Variants in PRKG1 observed in about 807,000 individuals in gnomAD.
PRKG1 encodes protein kinase cGMP-dependent 1.
PRKG1 carries 35 observed loss-of-function variants against 88.1 expected under a neutral mutation model. The ratio of observed to expected loss-of-function variants is 0.40; its 90% CI spans 0.30 to 0.53. PRKG1 has a LOEUF of 0.53. PRKG1 is among the 20% of genes least tolerant of loss of function. The probability of loss-of-function intolerance (pLI) is 0.59; values close to 1 mark genes in which losing one functional copy is unlikely to be tolerated. For missense variants in PRKG1, 540 were observed against 839.8 expected (o/e 0.64, Z 4.41); for synonymous variants, 303 against 292.5 (o/e 1.04, Z -0.37).
intron 3 of PRKG1, among the ~76,000 whole-genome samples, chr10:51,782,268 C>T (rs1412479870): frequency 2.0e-5 from 3 of 152,054 alleles, no homozygotes; most frequent in African/African-American, 4.8e-5. Flanking sequence ...GCGTTTTTGA[C>T]TTACAATATT....
At chr10:51,812,669 TG>T (rs1839487010) in intron 4 of PRKG1, among the ~76,000 whole-genome samples, 1 of 152,200 alleles carries the variant, frequency 6.6e-6, no homozygotes, top group Non-Finnish European at 1.5e-5. Context: ...CACTGATCGC[TG>T]GATAAAATCC....
At chr10:51,367,112 A>G (rs2132599536) in intron 2 of PRKG1, among the ~76,000 whole-genome samples, 1 of 152,074 alleles carries the variant, frequency 6.6e-6, no homozygotes, top group Non-Finnish European at 1.5e-5. Flanking sequence ...GAGCAGTTTC[A>G]TTTAGAAACT....
At chr10:51,481,508 C>A (rs1840358592) in intron 3 of PRKG1, among the ~76,000 whole-genome samples, 1 of 152,146 alleles carries the variant, frequency 6.6e-6, no homozygotes, top group African/African-American at 2.4e-5. Flanking sequence ...CCTGGCCTCC[C>A]AAAGTGCTAG....
At chr10:51,307,044 G>A (rs1419274732) in intron 2 of PRKG1, among the ~76,000 whole-genome samples, 2 of 152,082 alleles carry the variant, frequency 1.3e-5, no homozygotes, top group African/African-American at 4.8e-5. Context: ...CTGAGTATCA[G>A]TTGCCCCCTT....
At chr10:51,202,961 A>G (rs1046935942) in intron 2 of PRKG1, among the ~76,000 whole-genome samples, 6 of 152,222 alleles carry the variant, frequency 3.9e-5, no homozygotes, top group Non-Finnish European at 8.8e-5. Flanking sequence ...GTGGCAGAAA[A>G]TGAGAGTTGG....
intron 2 of PRKG1, among the ~76,000 whole-genome samples, chr10:51,410,945 A>G (rs1443582097): frequency 6.6e-6 from 1 of 151,836 alleles, no homozygotes; most frequent in African/African-American, 2.4e-5. Flanking sequence ...GATGTACACA[A>G]ATTTTCTTAG....
At chr10:51,597,990 C>T (rs1838499352) in intron 3 of PRKG1, among the ~76,000 whole-genome samples, 2 of 152,188 alleles carry the variant, frequency 1.3e-5, no homozygotes, top group Non-Finnish European at 2.9e-5. Context: ...TCCCTAAAAC[C>T]TTAATAGCCA....
chr10:51,662,983 T>C (rs1840336853), intron 3 of PRKG1, among the ~76,000 whole-genome samples: 1 of 152,116 alleles, frequency 6.6e-6, no homozygotes, highest in Non-Finnish European at 1.5e-5. Context: ...GTTCGGCTTT[T>C]AACCTATGGA....
intron 3 of PRKG1, among the ~76,000 whole-genome samples, chr10:51,728,453 GTTTTTTT>G (rs56975031): frequency 1.7e-5 from 1 of 58,806 alleles, no homozygotes; most frequent in Non-Finnish European, 3.6e-5. Context: ...TTTTTTCTTT[GTTTTTTT>G]TTTTTTTTTT....
rs537502010 is a variant in PRKG1, at chr10:51,943,574, G to A, written c.762+36004G>A. Among the ~76,000 whole-genome samples the A allele has an allele frequency of 1.0e-3, 156 of 152,126 alleles. 2 individuals are homozygous for A. In the South Asian group the frequency reaches 0.032, roughly 31 times the overall value. On this transcript the variant is annotated intron_variant, in intron 5 of 17. Transcript: ENST00000373980. ...CTTCCAGTTTTTGCCCATTCAGTAT[G>A]ATATTGGCTGTGAGTTTGTCATAGA... is the stretch of plus-strand genomic sequence containing the variant.
At chr10:51,759,765 C>CATGTGTGT (rs1181915723) in intron 3 of PRKG1, among the ~76,000 whole-genome samples, 3 of 151,582 alleles carry the variant, frequency 2.0e-5, no homozygotes, top group Non-Finnish European at 4.4e-5. Flanking sequence ...TTGGTGTGTG[C>CATGTGTGT]ATGTGTGTAT....
At chr10:51,638,845 G>A (rs1489912896) in intron 3 of PRKG1, among the ~76,000 whole-genome samples, 2 of 151,996 alleles carry the variant, frequency 1.3e-5, no homozygotes, top group African/African-American at 4.8e-5. Flanking sequence ...ACTAATTAAG[G>A]TTAAGAATAA....
At chr10:51,696,729 C>T (rs1272688499) in intron 3 of PRKG1, 3 of 151,968 alleles carry the variant, frequency 2.0e-5, no homozygotes, top group Admixed American at 2.0e-4. Flanking sequence ...AGCAAATGGA[C>T]ACCATCTGTA....
At position 52,062,549 on chromosome 10, in the gene PRKG1, C is replaced by T. The variant is rs1846261662; in HGVS notation, c.853C>T (p.Arg285Cys). 1.9e-6 allele frequency: 3 copies of T among 1,595,204 alleles called. No individual in the cohort carries two copies. The highest frequency in any genetic ancestry group is 1.7e-6 in the Non-Finnish European group (2 of 1,172,356). The change falls in exon 7 of 18, where the codon CGT becomes TGT. Residue 285 changes from arginine (R) to cysteine (C), a missense_variant. By Grantham distance (180) the Arg-to-Cys change is radical. Coordinates refer to ENST00000373980, the MANE Select transcript of PRKG1 (RefSeq NM_006258.4). ...TTTCTCTTTGCAGGTAAATGTCACTCGTGAAGACTCACCGAGTGAAGACCC... is the reference window on the plus strand; with the variant it reads ...TTTCTCTTTGCAGGTAAATGTCACTTGTGAAGACTCACCGAGTGAAGACCC... Reference protein sequence around the residue: ...IISKGTVNVTREDSPSEDPVF... With the variant: ...IISKGTVNVTCEDSPSEDPVF...
chr10:51,499,667 T>C (rs545716803), intron 3 of PRKG1, among the ~76,000 whole-genome samples: 2 of 152,284 alleles, frequency 1.3e-5, no homozygotes, highest in South Asian at 4.1e-4. Context: ...GAGCCAAGTG[T>C]GGTGGCTCAG....
At chr10:51,716,344 G>A (rs1243487206) in intron 3 of PRKG1, among the ~76,000 whole-genome samples, 3 of 152,134 alleles carry the variant, frequency 2.0e-5, no homozygotes, top group African/African-American at 7.2e-5. Context: ...TAGGCTTACA[G>A]TCAAACATAA....
Position 51,686,918 on chromosome 10 carries a change from G to C in PRKG1, c.593-117667G>C, listed in dbSNP as rs560741588. On this transcript the variant is annotated intron_variant, in intron 3 of 17. Coordinates refer to ENST00000373980, the MANE Select transcript of PRKG1 (RefSeq NM_006258.4). ...GCCCGGCTAATTTTTTGTATTTTTA[G>C]TAGAGATGGGGTTTCACCATATTGG... Among the ~76,000 whole-genome samples the C allele has an allele frequency of 3.9e-5, 6 of 152,106 alleles. No homozygotes were observed. The East Asian group carries it at 1.2e-3, about 29-fold the overall frequency.
In PRKG1 at chr10:52,153,691, G is replaced by A. The variant is rs537596166; in HGVS notation, c.1002-8198G>A. On this transcript the variant is annotated intron_variant, in intron 8 of 17. Coordinates refer to ENST00000373980, the MANE Select transcript of PRKG1 (RefSeq NM_006258.4). ...AGTAGAACTGACGGGAACAGAAGAA[G>A]TGATTTTAAAGTAGTATCAGCATAC... 1.2e-4 allele frequency among the ~76,000 whole-genome samples: 19 copies of A among 152,216 alleles called. No individual in the cohort carries two copies. The South Asian group carries it at 3.7e-3, about 30-fold the overall frequency.
intron 7 of PRKG1, among the ~76,000 whole-genome samples, chr10:52,082,097 G>A (rs1468946466): frequency 1.3e-5 from 2 of 151,994 alleles, no homozygotes; most frequent in African/African-American, 2.4e-5. Context: ...ACATGAAGGC[G>A]GCAAGAAGAA....
Sources: allele counts gnomAD v4.1 joint callset (sites outside exome capture counted in the v4.1 genomes callset), GRCh38; gene constraint gnomAD v4.1.1; transcripts MANE v1.5; gene names NCBI Gene and HGNC (gene_info 2026-07-23, HGNC 2026-07-21).